Variants in ZBTB25 observed in about 807,000 individuals in gnomAD.
The protein encoded by ZBTB25 is zinc finger and BTB domain-containing protein 25.
Under a neutral mutation model 34.2 loss-of-function variants are expected in ZBTB25, and 20 were observed. The ratio of observed to expected loss-of-function variants is 0.58; its 90% confidence interval spans 0.41 to 0.85. The LOEUF is 0.85. ZBTB25 is among the 40% of genes least tolerant of loss of function. The pLI is 0.00. For missense variants in ZBTB25, 437 were observed against 521.8 expected (o/e 0.84, Z 1.58); for synonymous variants, 175 against 186.4 (o/e 0.94, Z 0.50).
At chr14:64,494,385 C>G (rs1208326796) in intron 1 of ZBTB25, among the ~76,000 whole-genome samples, 1 of 152,204 alleles carries the variant, frequency 6.6e-6, no homozygotes, top group Admixed American at 6.5e-5. Flanking sequence ...GTAATCCCAG[C>G]CCTTTGGGAG....
At chr14:64,491,558 G>A (rs1403473881) in intron 1 of ZBTB25, among the ~76,000 whole-genome samples, 1 of 152,200 alleles carries the variant, frequency 6.6e-6, no homozygotes, top group Non-Finnish European at 1.5e-5. Context: ...AAAAGGCAAG[G>A]TGGAACAACT....
chr14:64,449,349 C>A, exon 3 of ZBTB25: 1 of 1,392,688 alleles, frequency 7.2e-7, no homozygotes, highest in Non-Finnish European at 1.0e-6. Context: ...GTTCGTTTAT[C>A]AGTGGGTAAT....
chr14:64,504,818 C>CACGAGCG, upstream of ZBTB25: 1 of 389,986 alleles, frequency 2.6e-6, no homozygotes, highest in Admixed American at 4.5e-5. Flanking sequence ...CGCAGCCCAG[C>CACGAGCG]CCGAGCGCCG....
At chr14:64,474,733 G>A (rs1159415555), downstream of ZBTB25, among the ~76,000 whole-genome samples, 1 of 152,200 alleles carries the variant, frequency 6.6e-6, no homozygotes, top group Non-Finnish European at 1.5e-5. Context: ...TTCTGAATTT[G>A]ATGACATTTG....
chr14:64,501,672 C>CG (rs1408763437), intron 1 of ZBTB25, among the ~76,000 whole-genome samples: 1 of 152,348 alleles, frequency 6.6e-6, no homozygotes, highest in East Asian at 1.9e-4. Flanking sequence ...GCACCACCTA[C>CG]GGACCATAGC....
chr14:64,487,575 G>T lies in ZBTB25; in HGVS notation c.656C>A (p.Pro219His), dbSNP rs765664966. 1.2e-6 allele frequency: 2 copies of T among 1,607,832 alleles called. No homozygotes were observed. The highest frequency in any genetic ancestry group is 1.1e-5 in the South Asian group (1 of 90,584). ...DPESVISQSH[P>H]SPSSEVTGPT... ...GCCTGTCACCTCTGATGAGGGTGAG[G>T]GGTGGCTCTGGGAGATCACAGATTC... Residue 219 changes from proline to histidine, a missense_variant, in exon 3 of 3, where the codon CCC becomes CAC. By Grantham distance (77) the Pro-to-His change is moderately conservative. Transcript: ENST00000608382.
intron 2 of ZBTB25, among the ~76,000 whole-genome samples, chr14:64,457,101 G>A (rs2078487126): frequency 1.3e-5 from 2 of 152,150 alleles, no homozygotes; most frequent in South Asian, 2.1e-4. Flanking sequence ...AGGCCATTTT[G>A]GGCCAGTAAG....
At chr14:64,498,139 A>C (rs2079342353) in intron 1 of ZBTB25, among the ~76,000 whole-genome samples, 1 of 152,180 alleles carries the variant, frequency 6.6e-6, no homozygotes, top group African/African-American at 2.4e-5. Context: ...GTGACATTTA[A>C]TTATGTAGAG....
chr14:64,469,974 A>G, intron 2 of ZBTB25: 1 of 259,110 alleles, frequency 3.9e-6, no homozygotes, highest in Non-Finnish European at 7.8e-6. Flanking sequence ...AGGAAGGTGT[A>G]TTTATTGAGC....
At chr14:64,463,955 A>C (rs908110298) in intron 2 of ZBTB25, among the ~76,000 whole-genome samples, 1 of 152,204 alleles carries the variant, frequency 6.6e-6, no homozygotes, top group Non-Finnish European at 1.5e-5. Flanking sequence ...CAAAACTGGC[A>C]ACAAGCAGCG....
intron 2 of ZBTB25, among the ~76,000 whole-genome samples, chr14:64,455,869 T>C (rs950850596): frequency 2.0e-5 from 3 of 152,190 alleles, no homozygotes; most frequent in Non-Finnish European, 4.4e-5. Context: ...CAGTGGTGCT[T>C]AGCACAAATG....
Position 64,492,908 on chromosome 14 carries a change from AACC to A in ZBTB25, c.-7-2371_-7-2369del, listed in dbSNP as rs151176092. Among the ~76,000 whole-genome samples the A allele has an allele frequency of 9.9e-3, 1,516 of 152,372 alleles. 21 individuals are homozygous for A. Among genetic ancestry groups the A allele is most frequent in the South Asian group, 0.066 (320 of 4,830 alleles). On this transcript the variant is annotated intron_variant, in intron 1 of 2. Transcript: ENST00000608382. ...GGCTCACAGGAAAGATAAAACATCA[AACC>A]ATAATTATAATATGAAATAAATGCA...
chr14:64,460,360 T>G (rs2078539315), intron 2 of ZBTB25: 1 of 176,296 alleles, frequency 5.7e-6, no homozygotes, highest in Non-Finnish European at 1.2e-5. Context: ...TTTAGCACTG[T>G]CTATGTTTAG....
intron 2 of ZBTB25, chr14:64,454,634 G>T: frequency 5.7e-6 from 6 of 1,048,480 alleles, no homozygotes; most frequent in East Asian, 2.5e-5. Flanking sequence ...CGAATAAATT[G>T]AAGAATCCAT....
At position 64,479,000 on chromosome 14, in the gene ZBTB25, A is replaced by C. The variant is rs1447391006; in HGVS notation, c.*7923T>G. On this transcript the variant is annotated 3_prime_UTR_variant, in exon 3 of 3. Transcript: ENST00000608382. ...TCAAAACTGTCTTGCTGATTAATAC[A>C]TCTCTGATTTTTAATAATCACATTT... 6.6e-6 allele frequency: 1 copy of C among 152,206 alleles called. No individual in the cohort carries two copies. The highest frequency in any genetic ancestry group is 2.4e-5 in the African/African-American group (1 of 41,444). The allele number at this position is 152,206 out of a possible 1,614,324, so 9.4% of individuals were successfully genotyped here.
chr14:64,460,912 G>A (rs987091877), intron 2 of ZBTB25: 2 of 152,012 alleles, frequency 1.3e-5, no homozygotes, highest in Admixed American at 1.3e-4. Context: ...TATAACCCCA[G>A]GTACTTGGGA....
At chr14:64,454,318 G>T (rs1347428559) in intron 2 of ZBTB25, among the ~76,000 whole-genome samples, 1 of 152,044 alleles carries the variant, frequency 6.6e-6, no homozygotes, top group Non-Finnish European at 1.5e-5. Flanking sequence ...TTGCCCTGTT[G>T]CCCAGGCTGG....
chr14:64,504,804 T>C (rs1044452980), upstream of ZBTB25: 1 of 386,010 alleles, frequency 2.6e-6, no homozygotes, highest in Non-Finnish European at 4.6e-6. Context: ...CCAGAGCCTC[T>C]CCGCGCAGCC....
chr14:64,485,903 G>C lies in ZBTB25; in HGVS notation c.*1020C>G. The C allele has an allele frequency of 1.0e-6, 1 of 985,378 alleles. No individual in the cohort carries two copies. Among genetic ancestry groups the C allele is most frequent in the Non-Finnish European group, 1.2e-6 (1 of 829,916 alleles). The allele number at this position is 985,378 out of a possible 1,614,324, so 61.0% of individuals were successfully genotyped here. A position where few individuals can be genotyped will look rare whatever the true frequency, so the allele number is the denominator to read the frequency against. ...AACCCTGGGGTTTTTAGTCAATGCAGTTCTAGCTCAGTCTCTGTCTCTGCA... is the reference window on the plus strand; with the variant it reads ...AACCCTGGGGTTTTTAGTCAATGCACTTCTAGCTCAGTCTCTGTCTCTGCA... On this transcript the variant is annotated 3_prime_UTR_variant, in exon 3 of 3. Transcript: ENST00000608382.
Sources: allele counts gnomAD v4.1 joint callset (sites outside exome capture counted in the v4.1 genomes callset), GRCh38; gene constraint gnomAD v4.1.1; transcripts MANE v1.5; gene names NCBI Gene and HGNC (gene_info 2026-07-23, HGNC 2026-07-21).